The following CLIC6 variants were observed in gnomAD, a reference collection of about 807,000 sequenced individuals.
The protein encoded by CLIC6 is chloride intracellular channel protein 6.
A neutral mutation model predicts 49.2 loss-of-function variants in CLIC6; 39 were observed. The ratio of observed to expected loss-of-function variants is 0.79; its 90% CI spans 0.61 to 1.04. The LOEUF is 1.04. Among genes scored for constraint, CLIC6 ranks in the 50% least tolerant of loss-of-function variants. The probability of loss-of-function intolerance (pLI) is 0.00; values close to 1 mark genes in which losing one functional copy is unlikely to be tolerated. For missense variants in CLIC6, 988 were observed against 993.1 expected, an observed-to-expected ratio of 0.99 and a Z score of 0.07; for synonymous variants, 446 against 433.4, an observed-to-expected ratio of 1.03 and a Z score of -0.36.
intron 1 of CLIC6, among the ~76,000 whole-genome samples, chr21:34,683,043 C>A (rs1402078312): frequency 6.6e-6 from 1 of 151,862 alleles, no homozygotes; most frequent in Non-Finnish European, 1.5e-5. Context: ...GATCTCCTGA[C>A]CTCGTGATCC....
At chr21:34,710,723 G>A (rs927146975) in intron 5 of CLIC6, among the ~76,000 whole-genome samples, 1 of 152,252 alleles carries the variant, frequency 6.6e-6, no homozygotes, top group East Asian at 1.9e-4. Context: ...TGAGGCAGGA[G>A]AATCGCTTGA....
At chr21:34,686,951 G>A (rs558170793) in intron 1 of CLIC6, among the ~76,000 whole-genome samples, 4 of 152,292 alleles carry the variant, frequency 2.6e-5, no homozygotes, top group South Asian at 4.1e-4. Context: ...AGTGCCACAC[G>A]GAACAGAAGG....
chr21:34,684,859 C>A (rs1261115082), intron 1 of CLIC6, among the ~76,000 whole-genome samples: 2 of 152,162 alleles, frequency 1.3e-5, no homozygotes, highest in Non-Finnish European at 2.9e-5. Context: ...CTTTAAGGAG[C>A]AGCCCTTATT....
chr21:34,671,361 G>A (rs1412153835), intron 1 of CLIC6, among the ~76,000 whole-genome samples: 1 of 152,170 alleles, frequency 6.6e-6, no homozygotes, highest in African/African-American at 2.4e-5. Context: ...GGGGGGAATG[G>A]AGCCTTATTG....
At chr21:34,685,719 CA>C (rs1184239047) in intron 1 of CLIC6, among the ~76,000 whole-genome samples, 1 of 152,164 alleles carries the variant, frequency 6.6e-6, no homozygotes, top group Non-Finnish European at 1.5e-5. Context: ...TGGAGGGGGA[CA>C]TTTTTTTGTT....
chr21:34,673,166 C>A (rs1024082716), intron 1 of CLIC6, among the ~76,000 whole-genome samples: 1 of 152,190 alleles, frequency 6.6e-6, no homozygotes, highest in African/African-American at 2.4e-5. Flanking sequence ...GCACCAGCAG[C>A]GGCCCAGCAC....
At chr21:34,700,801 T>C (rs1231708653) in intron 1 of CLIC6, among the ~76,000 whole-genome samples, 1 of 139,788 alleles carries the variant, frequency 7.2e-6, no homozygotes, top group East Asian at 2.0e-4. Context: ...GTGTCATTTC[T>C]GGAAAAGGAA....
chr21:34,710,240 TG>T (rs1325456060), intron 5 of CLIC6, among the ~76,000 whole-genome samples: 2 of 152,170 alleles, frequency 1.3e-5, no homozygotes, highest in Non-Finnish European at 2.9e-5. Context: ...GAGGTGGCAC[TG>T]CACTCTGGCC....
At chr21:34,697,960 G>T (rs1364701296) in intron 1 of CLIC6, among the ~76,000 whole-genome samples, 3 of 152,128 alleles carry the variant, frequency 2.0e-5, no homozygotes, top group African/African-American at 7.2e-5. Flanking sequence ...AATCTCATAG[G>T]CCTGTGAGGA....
At chr21:34,676,152 T>G (rs139068415) in intron 1 of CLIC6, among the ~76,000 whole-genome samples, 14 of 152,316 alleles carry the variant, frequency 9.2e-5, no homozygotes, top group African/African-American at 3.1e-4. Flanking sequence ...TCCTTGAATA[T>G]CTAAAGACCC....
intron 4 of CLIC6, 34 bp from the exon 5 acceptor site, chr21:34,709,323 C>T: frequency 6.3e-7 from 1 of 1,590,406 alleles, no homozygotes; most frequent in Non-Finnish European, 8.6e-7. Flanking sequence ...CACTTGCAAA[C>T]CTCTCTTTGT....
At chr21:34,694,924 T>C (rs976828714) in intron 1 of CLIC6, among the ~76,000 whole-genome samples, 2 of 152,238 alleles carry the variant, frequency 1.3e-5, no homozygotes, top group African/African-American at 4.8e-5. Context: ...CCTCTGCAAG[T>C]TGATGAGTAG....
intron 1 of CLIC6, among the ~76,000 whole-genome samples, chr21:34,695,875 A>G (rs1990079245): frequency 6.6e-6 from 1 of 152,248 alleles, no homozygotes; most frequent in Non-Finnish European, 1.5e-5. Flanking sequence ...CCTGGATTAA[A>G]GCAGATTCGA....
chr21:34,682,833 A>T, intron 1 of CLIC6, among the ~76,000 whole-genome samples: 1 of 61,524 alleles, frequency 1.6e-5, no homozygotes, highest in African/African-American at 6.1e-5. Context: ...TTTTTTTGAG[A>T]CGGAGTCTCG....
chr21:34,700,654 TCTC>T lies in CLIC6; in HGVS notation c.1375-6621_1375-6619del, dbSNP rs1346728164. ...AAGCTGTCATGGGGAGTGGCTGTGT[TCTC>T]CTCCCATTCCTTGGAATTCCCTCTC... On this transcript the variant is annotated intron_variant, in intron 1 of 5. Transcript: ENST00000349499. 4.5e-4 allele frequency among the ~76,000 whole-genome samples: 63 copies of T among 139,834 alleles called. 12 individuals carry two copies. Among genetic ancestry groups the T allele is most frequent in the African/African-American group, 1.7e-3 (60 of 35,082 alleles). The allele number at this position is 139,834 out of a possible 152,430, so 91.7% of individuals were successfully genotyped here.
At chr21:34,699,055 T>C (rs1357959370) in intron 1 of CLIC6, among the ~76,000 whole-genome samples, 1 of 152,210 alleles carries the variant, frequency 6.6e-6, no homozygotes, top group East Asian at 1.9e-4. Flanking sequence ...CTTTATTCTT[T>C]GAAGTCTATT....
At chr21:34,671,121 T>TAAA (rs58413747) in intron 1 of CLIC6, among the ~76,000 whole-genome samples, 10 of 115,972 alleles carry the variant, frequency 8.6e-5, no homozygotes, top group East Asian at 5.3e-4. Context: ...ACTAAAAAGT[T>TAAA]AAAAAAAAAA....
At position 34,716,884 on chromosome 21, in the gene CLIC6, ACACACAC is replaced by A. The variant is rs2056090826; in HGVS notation, c.*403_*409del. On this transcript the variant is annotated 3_prime_UTR_variant, in exon 6 of 6. Transcript: ENST00000349499. ...CTATCACACACACACACACACACAC[ACACACAC>A]ACACACACAATTTCATTCATATATG... is the stretch of plus-strand genomic sequence containing the variant. 6.3e-6 allele frequency: 1 copy of A among 158,158 alleles called. No individual in the cohort carries two copies. Among genetic ancestry groups the A allele is most frequent in the Non-Finnish European group, 1.4e-5 (1 of 72,840 alleles). 9.8% of individuals were successfully genotyped at this position (158,158 alleles called of 1,614,324 possible).
intron 1 of CLIC6, among the ~76,000 whole-genome samples, chr21:34,697,242 C>G (rs74499848): frequency 0.035 from 5,386 of 152,138 alleles, 126 homozygotes; most frequent in Admixed American, 0.053. Context: ...AACTGCATCT[C>G]TAGTTGAGCT....
Sources: allele counts gnomAD v4.1 joint callset (sites outside exome capture counted in the v4.1 genomes callset), GRCh38; gene constraint gnomAD v4.1.1; transcripts MANE v1.5; gene names NCBI Gene and HGNC (gene_info 2026-07-23, HGNC 2026-07-21).